The following PGGT1B variants were observed in gnomAD, a reference collection of about 807,000 sequenced individuals.
The protein encoded by PGGT1B is geranylgeranyl transferase type-1 subunit beta.
PGGT1B carries 30 observed loss-of-function variants against 46.1 expected under a neutral mutation model. The ratio of observed to expected loss-of-function variants is 0.65; its 90% CI spans 0.49 to 0.88. The LOEUF is 0.88. PGGT1B is among the 40% of genes least tolerant of loss of function. The pLI is 0.00. For missense variants in PGGT1B, 376 were observed against 455.9 expected, an observed-to-expected ratio of 0.82 and a Z score of 1.60; for synonymous variants, 170 against 160.0, an observed-to-expected ratio of 1.06 and a Z score of -0.47.
rs1480802483 is a variant in PGGT1B at position 115,211,835 on chromosome 5, TA to T, written c.*566del. The stretch of plus-strand genomic sequence containing the variant: ...CTATTTATTCTTACTATGAAGTTAT[TA>T]ACTTCATTTATATAGGCCACACAGG... On this transcript the variant is annotated 3_prime_UTR_variant, in exon 9 of 9. Transcript: ENST00000419445. The T allele has an allele frequency of 2.0e-5, 3 of 152,662 alleles. No homozygotes were observed. The highest frequency in any genetic ancestry group is 7.2e-5 in the African/African-American group (3 of 41,462). 9.5% of individuals were successfully genotyped at this position (152,662 alleles called of 1,614,324 possible).
At chr5:115,235,146 T>C (rs907349715) in intron 5 of PGGT1B, among the ~76,000 whole-genome samples, 6 of 151,894 alleles carry the variant, frequency 4.0e-5, no homozygotes, top group Non-Finnish European at 7.4e-5. Flanking sequence ...CAAAAGGGCA[T>C]AGAGCCTACT....
At position 115,237,836 on chromosome 5, in the gene PGGT1B, A is replaced by G. The variant is rs1465215393; in HGVS notation, c.479+22T>C. 1.9e-6 allele frequency: 3 copies of G among 1,594,130 alleles called. No homozygotes were observed. In the Admixed American group the frequency reaches 5.4e-5, roughly 29 times the overall value. Reference sequence around the variant, plus strand: ...ATATATTTTTGTTTATTACAAAAAAAGTAACAAAGAATCACTCATACCTCC... The same window carrying G: ...ATATATTTTTGTTTATTACAAAAAAGGTAACAAAGAATCACTCATACCTCC... On this transcript the variant is annotated intron_variant, in intron 4 of 8. Transcript: ENST00000419445.
chr5:115,205,684 T>C lies in PGGT1B; in HGVS notation c.*6718A>G, dbSNP rs568187344. The C allele has an allele frequency of 6.9e-4, 105 of 152,162 alleles. No individual in the cohort carries two copies. Among genetic ancestry groups the C allele is most frequent in the Admixed American group, 6.9e-3 (105 of 15,274 alleles). The allele number at this position is 152,162 out of a possible 1,614,324, so 9.4% of individuals were successfully genotyped here. A position where few individuals can be genotyped will look rare whatever the true frequency, so the allele number is the denominator to read the frequency against. ...TTTCTAATGCCACAATTATTACAAG[T>C]AGACAGTTTTACTATCAGAAACCCA... On this transcript the variant is annotated 3_prime_UTR_variant, in exon 9 of 9. Transcript: ENST00000419445.
chr5:115,218,136 T>C lies in PGGT1B; in HGVS notation c.844-1163A>G, dbSNP rs558053973. The stretch of plus-strand genomic sequence containing the variant: ...CAGAACTAACTATAACGGGTAACAA[T>C]TTGTTGGAAAAGTGAGAGGCTAAAT... On this transcript the variant is annotated intron_variant, in intron 7 of 8. Coordinates refer to ENST00000419445, the MANE Select transcript of PGGT1B (RefSeq NM_005023.4). 6.3e-4 allele frequency among the ~76,000 whole-genome samples: 95 copies of C among 151,856 alleles called. 1 individual carries two copies. Among genetic ancestry groups the C allele is most frequent in the African/African-American group, 2.3e-3 (94 of 41,520 alleles).
chr5:115,238,700 T>C (rs1757263072), intron 3 of PGGT1B, among the ~76,000 whole-genome samples: 1 of 152,208 alleles, frequency 6.6e-6, no homozygotes, highest in Non-Finnish European at 1.5e-5. Flanking sequence ...ACTTTTACAA[T>C]CATTGAAATG....
intron 2 of PGGT1B, among the ~76,000 whole-genome samples, chr5:115,249,151 C>A (rs1033628293): frequency 1.6e-4 from 24 of 151,840 alleles, no homozygotes; most frequent in African/African-American, 5.1e-4. Flanking sequence ...ATCTACTTCC[C>A]CCTCCACAAA....
intron 1 of PGGT1B, among the ~76,000 whole-genome samples, chr5:115,260,312 G>A (rs1169645661): frequency 1.3e-5 from 2 of 152,056 alleles, no homozygotes; most frequent in Admixed American, 6.5e-5. Flanking sequence ...ATACCTATTG[G>A]TAAAAAGAAA....
At chr5:115,227,631 C>A (rs1417616595) in intron 6 of PGGT1B, among the ~76,000 whole-genome samples, 2 of 152,202 alleles carry the variant, frequency 1.3e-5, no homozygotes, top group African/African-American at 4.8e-5. Context: ...ACCTGTGCCA[C>A]TGTTTCAGGA....
chr5:115,223,478 G>C (rs1048110458), intron 6 of PGGT1B, among the ~76,000 whole-genome samples: 3 of 152,140 alleles, frequency 2.0e-5, no homozygotes, highest in Admixed American at 2.0e-4. Context: ...AGAGATTTGA[G>C]TGTTGTAGCC....
chr5:115,262,092 GC>G (rs1748581521), intron 1 of PGGT1B, among the ~76,000 whole-genome samples: 1 of 152,214 alleles, frequency 6.6e-6, no homozygotes, highest in Admixed American at 6.5e-5. Flanking sequence ...AGCAAAGATT[GC>G]CTTCTCCTTT....
At position 115,210,366 on chromosome 5, in the gene PGGT1B, T is replaced by C. The variant is rs1580737585; in HGVS notation, c.*2036A>G. The C allele has an allele frequency of 6.6e-6, 1 of 152,142 alleles. No homozygotes were observed. Among genetic ancestry groups the C allele is most frequent in the Admixed American group, 6.5e-5 (1 of 15,270 alleles). 9.4% of individuals were successfully genotyped at this position (152,142 alleles called of 1,614,324 possible). ...TTATTTAATCGATAAATGCTTTTCT[T>C]GTAAATAACTATTTAGAAAAGTTAG... On this transcript the variant is annotated 3_prime_UTR_variant, in exon 9 of 9. Coordinates refer to ENST00000419445, the MANE Select transcript of PGGT1B (RefSeq NM_005023.4).
chr5:115,248,845 A>G (rs932671866), intron 2 of PGGT1B, among the ~76,000 whole-genome samples: 7 of 152,206 alleles, frequency 4.6e-5, no homozygotes, highest in Non-Finnish European at 7.3e-5. Context: ...GGACAGGCCA[A>G]TTAGGTGAAG....
intron 1 of PGGT1B, among the ~76,000 whole-genome samples, chr5:115,258,798 A>G (rs1223886204): frequency 6.6e-6 from 1 of 152,224 alleles, no homozygotes; most frequent in Non-Finnish European, 1.5e-5. Context: ...TCAGGGGATT[A>G]GCCATAACAA....
rs1393766904 is a variant in PGGT1B, at chr5:115,206,298, T to C, written c.*6104A>G. ...CAGGAAGTATAGGCTGTGGGTATAG[T>C]ATAGGCTGGGATGGGGAGAGAACTA... On this transcript the variant is annotated 3_prime_UTR_variant, in exon 9 of 9. Transcript: ENST00000419445. The C allele has an allele frequency of 6.6e-6, 1 of 151,968 alleles. No individual in the cohort carries two copies. The highest frequency in any genetic ancestry group is 1.5e-5 in the Non-Finnish European group (1 of 67,888). The allele number at this position is 151,968 out of a possible 1,614,324, so 9.4% of individuals were successfully genotyped here.
chr5:115,233,509 C>A, intron 5 of PGGT1B, among the ~76,000 whole-genome samples: 2 of 133,522 alleles, frequency 1.5e-5, no homozygotes, highest in Admixed American at 7.6e-5. Flanking sequence ...TAAGAACAGA[C>A]ACTAAAATGG....
intron 6 of PGGT1B, among the ~76,000 whole-genome samples, chr5:115,227,840 T>C (rs1464998347): frequency 6.6e-6 from 1 of 152,198 alleles, no homozygotes; most frequent in Non-Finnish European, 1.5e-5. Flanking sequence ...AATGAGACTG[T>C]ATGTAAAGTA....
intron 3 of PGGT1B, among the ~76,000 whole-genome samples, chr5:115,240,181 G>A (rs1253913611): frequency 6.6e-6 from 1 of 152,050 alleles, no homozygotes; most frequent in African/African-American, 2.4e-5. Context: ...AGATATCAGG[G>A]TGCAGGTGAA....
chr5:115,246,600 T>C (rs187247010), intron 2 of PGGT1B, among the ~76,000 whole-genome samples: 2 of 152,160 alleles, frequency 1.3e-5, no homozygotes, highest in Admixed American at 6.5e-5. Context: ...TATTTAACAG[T>C]TGCAAAACAA....
In PGGT1B at chr5:115,208,561, A is replaced by C. The variant is rs1002065276; in HGVS notation, c.*3841T>G. 6.6e-6 allele frequency: 1 copy of C among 151,820 alleles called. No homozygotes were observed. The highest frequency in any genetic ancestry group is 1.5e-5 in the Non-Finnish European group (1 of 67,892). 9.4% of individuals were successfully genotyped at this position (151,820 alleles called of 1,614,324 possible). A position where few individuals can be genotyped will look rare whatever the true frequency, so the allele number is the denominator to read the frequency against. Reference sequence around the variant, plus strand: ...ATTTAAACAAATTTCCTGTTTTACTATTTCCCCCTTGTCATTTAAATTTTT... The same window carrying C: ...ATTTAAACAAATTTCCTGTTTTACTCTTTCCCCCTTGTCATTTAAATTTTT... On this transcript the variant is annotated 3_prime_UTR_variant, in exon 9 of 9. Coordinates refer to ENST00000419445, the MANE Select transcript of PGGT1B (RefSeq NM_005023.4).
Sources: gnomAD v4.1 joint callset for allele counts (sites outside exome capture counted in the v4.1 genomes callset) on GRCh38, gnomAD v4.1.1 for gene constraint, MANE v1.5 for transcripts, NCBI Gene and HGNC (gene_info 2026-07-23, HGNC 2026-07-21) for gene names.